The following KAZN variants were observed in gnomAD, a reference collection of about 807,000 sequenced individuals.
KAZN encodes the protein kazrin, periplakin interacting protein, also known as kazrin.
KAZN carries 40 observed loss-of-function variants against 87.4 expected under a neutral mutation model. That is an observed-to-expected ratio of 0.46 (90% CI 0.36 to 0.60). KAZN has a LOEUF of 0.60. Among genes scored for constraint, KAZN ranks in the 20% least tolerant of loss-of-function variants. The pLI is 0.00. For synonymous variants in KAZN, 466 were observed against 458.3 expected (o/e 1.02, Z -0.22); for missense variants, 898 against 1,073.9 (o/e 0.84, Z 2.29).
intron 1 of KAZN, among the ~76,000 whole-genome samples, chr1:13,922,235 G>C (rs375041586): frequency 6.6e-6 from 1 of 151,888 alleles, no homozygotes; most frequent in Non-Finnish European, 1.5e-5. Context: ...TCGGTCCCCC[G>C]CCCCCAACTC....
intron 1 of KAZN, among the ~76,000 whole-genome samples, chr1:14,079,041 G>T (rs1643571614): frequency 6.6e-6 from 1 of 152,170 alleles, no homozygotes; most frequent in South Asian, 2.1e-4. Flanking sequence ...TGCTGTAAAG[G>T]AATACCTCAG....
At chr1:14,183,287 A>G (rs1479658281) in intron 2 of KAZN, among the ~76,000 whole-genome samples, 1 of 152,170 alleles carries the variant, frequency 6.6e-6, no homozygotes, top group Non-Finnish European at 1.5e-5. Context: ...GAAGCCAGAG[A>G]TGATTGGCAG....
At chr1:13,911,858 G>A (rs775663471) in intron 1 of KAZN, among the ~76,000 whole-genome samples, 1 of 152,100 alleles carries the variant, frequency 6.6e-6, no homozygotes, top group Non-Finnish European at 1.5e-5. Context: ...GTTGGGTTTG[G>A]GCCCCCAGAA....
At chr1:14,302,580 A>G (rs1454358867) in intron 2 of KAZN, among the ~76,000 whole-genome samples, 1 of 152,170 alleles carries the variant, frequency 6.6e-6, no homozygotes, top group African/African-American at 2.4e-5. Context: ...TGTAACAAGA[A>G]TGTGTTAGCT....
At chr1:14,484,682 G>A (rs985275544) in intron 2 of KAZN, among the ~76,000 whole-genome samples, 2 of 152,184 alleles carry the variant, frequency 1.3e-5, no homozygotes, top group East Asian at 1.9e-4. Flanking sequence ...ACTCGGCTCC[G>A]CAAGGCGCAT....
At chr1:14,083,296 A>T (rs773362423) in intron 1 of KAZN, among the ~76,000 whole-genome samples, 3 of 152,248 alleles carry the variant, frequency 2.0e-5, no homozygotes, top group Non-Finnish European at 2.9e-5. Flanking sequence ...ATTGATGAGC[A>T]TGATATTGAT....
intron 2 of KAZN, among the ~76,000 whole-genome samples, chr1:14,532,578 C>T (rs1249553010): frequency 6.7e-6 from 1 of 149,976 alleles, no homozygotes; most frequent in Non-Finnish European, 1.5e-5. Flanking sequence ...ATTAACTGGT[C>T]ATTTAGCATT....
chr1:14,024,157 A>C (rs917370721), intron 1 of KAZN, among the ~76,000 whole-genome samples: 2 of 152,180 alleles, frequency 1.3e-5, no homozygotes, highest in African/African-American at 4.8e-5. Context: ...CAGGCTGGTG[A>C]CCCAGAAAAA....
rs1186696771 is a variant in KAZN, at chr1:14,143,500, G to A, written c.92-36935G>A. 3.3e-5 allele frequency among the ~76,000 whole-genome samples: 5 copies of A among 151,956 alleles called. No individual in the cohort carries two copies. In the East Asian group the frequency reaches 5.8e-4, roughly 18 times the overall value. On this transcript the variant is annotated intron_variant, in intron 1 of 16. Coordinates refer to the KAZN transcript ENST00000636203. The stretch of plus-strand genomic sequence containing the variant: ...GGTTTAGATCTTGTATTCTTCCTGC[G>A]CCCTCATACACAGGCACACACTTCT...
intron 1 of KAZN, among the ~76,000 whole-genome samples, chr1:14,803,938 C>T (rs1314540759): frequency 2.0e-5 from 3 of 152,208 alleles, no homozygotes; most frequent in Non-Finnish European, 1.5e-5. Context: ...CATCAGAGCC[C>T]GCTCACACCC....
chr1:14,110,083 AAAG>A (rs1278758679), intron 1 of KAZN, among the ~76,000 whole-genome samples: 1 of 100,256 alleles, frequency 1.0e-5, no homozygotes, highest in African/African-American at 4.2e-5. Flanking sequence ...AGGCAGGAAA[AAAG>A]AAAATCTTAT....
At chr1:14,669,410 G>C (rs1401457286) in intron 1 of KAZN, among the ~76,000 whole-genome samples, 1 of 152,150 alleles carries the variant, frequency 6.6e-6, no homozygotes, top group Non-Finnish European at 1.5e-5. Flanking sequence ...TGCCAAGGTT[G>C]AAAAACCCTG....
intron 1 of KAZN, among the ~76,000 whole-genome samples, chr1:14,134,499 G>T (rs2101745235): frequency 6.6e-6 from 1 of 152,220 alleles, no homozygotes; most frequent in South Asian, 2.1e-4. Context: ...AAGATTAAAT[G>T]ACCTGCCCAA....
intron 2 of KAZN, among the ~76,000 whole-genome samples, chr1:14,516,812 C>A (rs1221423988): frequency 1.3e-5 from 2 of 152,118 alleles, no homozygotes; most frequent in Admixed American, 6.5e-5. Context: ...TAACAAGAAC[C>A]AGCCTTCTTC....
At chr1:14,364,430 C>T (rs932903534) in intron 2 of KAZN, among the ~76,000 whole-genome samples, 11 of 152,154 alleles carry the variant, frequency 7.2e-5, no homozygotes, top group Non-Finnish European at 1.5e-4. Flanking sequence ...CACTGGCACA[C>T]ACAATACATT....
intron 2 of KAZN, among the ~76,000 whole-genome samples, chr1:14,278,254 C>T (rs1450796911): frequency 1.4e-5 from 2 of 146,546 alleles, no homozygotes; most frequent in Admixed American, 1.4e-4. Context: ...AACGACATAA[C>T]AGTATCTTTA....
chr1:14,365,372 G>T (rs1398219048), intron 2 of KAZN, among the ~76,000 whole-genome samples: 21 of 125,942 alleles, frequency 1.7e-4, no homozygotes, highest in South Asian at 2.5e-4. Flanking sequence ...CCGGGGTGGG[G>T]GGGGGGGGGG....
chr1:15,091,810 T>C (rs1315064776), intron 8 of KAZN, among the ~76,000 whole-genome samples: 2 of 152,340 alleles, frequency 1.3e-5, no homozygotes, highest in Non-Finnish European at 2.9e-5. Context: ...CCAAAGTTTT[T>C]ATTACAAAAC....
At chr1:14,874,265 G>C (rs568520103) in intron 1 of KAZN, among the ~76,000 whole-genome samples, 1 of 152,128 alleles carries the variant, frequency 6.6e-6, no homozygotes, top group Non-Finnish European at 1.5e-5. Context: ...ATCCAACAAA[G>C]GCTACTGAAA....
Sources: gnomAD v4.1 joint callset for allele counts (sites outside exome capture counted in the v4.1 genomes callset) on GRCh38, gnomAD v4.1.1 for gene constraint, MANE v1.5 for transcripts, NCBI Gene and HGNC (gene_info 2026-07-23, HGNC 2026-07-21) for gene names.